Variants in NUP210 observed in about 807,000 individuals in gnomAD.
NUP210 encodes the protein nucleoporin 210, also known as nuclear pore membrane glycoprotein 210.
In NUP210, 151 loss-of-function variants were observed where a neutral mutation model predicts 196.0. The observed-to-expected ratio is 0.77, with a 90% CI of 0.67 to 0.88. NUP210 has a LOEUF of 0.88. Among genes scored for constraint, NUP210 ranks in the 40% least tolerant of loss-of-function variants. NUP210 has a pLI of 0.00. For missense variants in NUP210, 2,314 were observed against 2,493.7 expected, an observed-to-expected ratio of 0.93 and a Z score of 1.53; for synonymous variants, 1,070 against 1,052.7, an observed-to-expected ratio of 1.02 and a Z score of -0.32.
intron 12 of NUP210, 71 bp from the exon 13 acceptor site, chr3:13,372,103 C>T: frequency 3.7e-6 from 5 of 1,361,130 alleles, no homozygotes; most frequent in Non-Finnish European, 5.0e-6. Flanking sequence ...CTCGGATATC[C>T]TAAGTGCTGC....
intron 25 of NUP210, among the ~76,000 whole-genome samples, chr3:13,339,060 C>A (rs2124856847): frequency 6.6e-6 from 1 of 152,296 alleles, no homozygotes; most frequent in South Asian, 2.1e-4. Context: ...CTGAACCCTA[C>A]CCCATCCCCA....
Position 13,342,132 on chromosome 3 carries a change from T to C in NUP210, c.2965-9A>G, listed in dbSNP as rs747601803. ...GTCTTCCCAATCTCCACCTGCATCA[T>C]GGGGACAGAGGTTCAGGGGCAGCCT... On this transcript the variant is annotated splice_polypyrimidine_tract_variant and intron_variant, in intron 21 of 39. Coordinates refer to ENST00000254508, the MANE Select transcript of NUP210 (RefSeq NM_024923.4). 2.5e-6 allele frequency: 4 copies of C among 1,613,930 alleles called. No homozygotes were observed. Among genetic ancestry groups the C allele is most frequent in the Non-Finnish European group, 3.4e-6 (4 of 1,179,880 alleles).
chr3:13,359,384 T>C (rs1471938820), intron 15 of NUP210, among the ~76,000 whole-genome samples: 1 of 152,214 alleles, frequency 6.6e-6, no homozygotes, highest in Non-Finnish European at 1.5e-5. Flanking sequence ...TCTTGTTGTT[T>C]TATTGTTTTT....
chr3:13,329,625 C>T (rs924412254), intron 30 of NUP210, among the ~76,000 whole-genome samples: 2 of 152,188 alleles, frequency 1.3e-5, no homozygotes, highest in African/African-American at 4.8e-5. Context: ...CTGCCAGGCA[C>T]CCATTTTGAA....
At chr3:13,390,851 C>A (rs1447361245) in intron 4 of NUP210, among the ~76,000 whole-genome samples, 1 of 152,218 alleles carries the variant, frequency 6.6e-6, no homozygotes, top group Admixed American at 6.5e-5. Context: ...CTGGCCTGTG[C>A]CCCAGCCGAA....
chr3:13,365,875 G>T, intron 14 of NUP210, 71 bp downstream of exon 14: 1 of 1,530,700 alleles, frequency 6.5e-7, no homozygotes, highest in Non-Finnish European at 9.0e-7. Flanking sequence ...AAATTCGTCA[G>T]AGCAAATGGG....
At chr3:13,366,680 G>T (rs1168632891) in intron 13 of NUP210, among the ~76,000 whole-genome samples, 1 of 150,408 alleles carries the variant, frequency 6.6e-6, no homozygotes, top group African/African-American at 2.4e-5. Flanking sequence ...ACCACGCCCA[G>T]CTAATTCTTT....
chr3:13,420,285 C>T lies in NUP210; in HGVS notation c.-59G>A, dbSNP rs1475000348. On this transcript the variant is annotated 5_prime_UTR_variant, in exon 1 of 40. Transcript: ENST00000254508. The surrounding 1 kb of genome is among the most constrained non-coding windows in gnomAD (Gnocchi z 4.8). ...CCGGCCGCCCGCGCCGCCCCGTTGC[C>T]CTCCGCTCCCGCCCGCGCGCGCGCC... The T allele has an allele frequency of 6.0e-6, 6 of 1,006,724 alleles. No individual in the cohort carries two copies. Among genetic ancestry groups the T allele is most frequent in the African/African-American group, 1.7e-5 (1 of 57,378 alleles). The allele number at this position is 1,006,724 out of a possible 1,614,324, so 62.4% of individuals were successfully genotyped here. A position where few individuals can be genotyped will look rare whatever the true frequency, so the allele number is the denominator to read the frequency against.
chr3:13,364,822 C>T (rs1698477358), intron 14 of NUP210, among the ~76,000 whole-genome samples: 4 of 152,030 alleles, frequency 2.6e-5, no homozygotes, highest in Admixed American at 2.6e-4. Context: ...GAGTGAAACT[C>T]TGTCTCAAAA....
intron 29 of NUP210, 149 bp from the exon 30 acceptor site, chr3:13,330,783 G>A (rs1003656369): frequency 7.5e-6 from 5 of 662,578 alleles, no homozygotes; most frequent in Admixed American, 3.1e-5. Flanking sequence ...TCAGGACCAC[G>A]TGCCGTCAGT....
At chr3:13,392,852 C>T (rs2124938586) in intron 3 of NUP210, among the ~76,000 whole-genome samples, 1 of 151,586 alleles carries the variant, frequency 6.6e-6, no homozygotes, top group Non-Finnish European at 1.5e-5. Flanking sequence ...ATTCCACCTT[C>T]TCGGGGAAGA....
At position 13,321,726 on chromosome 3, in the gene NUP210, GTGGC is replaced by G; in HGVS notation, c.5021_5024del (p.Ser1674ThrfsTer26). 6.2e-7 allele frequency: 1 copy of G among 1,614,134 alleles called. No homozygotes were observed. The highest frequency in any genetic ancestry group is 1.1e-5 in the South Asian group (1 of 91,080). ...CGGCCCCCACCTGCTCTGTGGAGAA[GTGGC>G]TGCTGGAGAGGGAGGCACTGACCAC... is the stretch of plus-strand genomic sequence containing the variant. On this transcript the variant is annotated frameshift_variant, in exon 36 of 40. Coordinates refer to ENST00000254508, the MANE Select transcript of NUP210 (RefSeq NM_024923.4). LOFTEE classifies it high-confidence loss of function.
intron 13 of NUP210, among the ~76,000 whole-genome samples, chr3:13,370,704 T>G (rs1273005148): frequency 1.3e-5 from 2 of 152,206 alleles, no homozygotes; most frequent in South Asian, 2.1e-4. Flanking sequence ...TGCAGTATGC[T>G]CAGGGATTTT....
In NUP210 at chr3:13,336,824, T is replaced by C; in HGVS notation, c.3647A>G (p.Lys1216Arg). 1 of 1,613,842 alleles carries C rather than the reference T, an allele frequency of 6.2e-7. No individual in the cohort carries two copies. The highest frequency in any genetic ancestry group is 8.5e-7 in the Non-Finnish European group (1 of 1,179,886). Residue 1216 changes from lysine (K) to arginine (R), a missense_variant, in exon 27 of 40, where the codon AAG becomes AGG. Coordinates refer to ENST00000254508, the MANE Select transcript of NUP210 (RefSeq NM_024923.4). Reference sequence around the variant, plus strand: ...CCCTCGGAGGTCCAGGACGTCCCGCTTGGTGACAGACCAGTGGAAGGTCAG... The same window carrying C: ...CCCTCGGAGGTCCAGGACGTCCCGCCTGGTGACAGACCAGTGGAAGGTCAG... ...PGLTFHWSVT[K>R]RDVLDLRGRH... is the part of the protein sequence containing the mutation.
At chr3:13,361,733 G>A (rs926965208) in intron 14 of NUP210, among the ~76,000 whole-genome samples, 1 of 152,118 alleles carries the variant, frequency 6.6e-6, no homozygotes, top group African/African-American at 2.4e-5. Flanking sequence ...ACACAGACCT[G>A]ACCCTGTCCC....
intron 34 of NUP210, among the ~76,000 whole-genome samples, chr3:13,322,840 G>T (rs1201451697): frequency 1.3e-5 from 2 of 152,232 alleles, no homozygotes; most frequent in East Asian, 3.8e-4. Context: ...TGCCAGTGAG[G>T]TGGTTTAAGA....
chr3:13,391,116 ACCCAGATGAAAG>A, intron 4 of NUP210, 83 bp downstream of exon 4: 1 of 810,908 alleles, frequency 1.2e-6, no homozygotes, highest in African/African-American at 1.7e-5. Context: ...CTCCTCAATG[ACCCAGATGAAAG>A]CCCCCCGCTG....
At chr3:13,325,170 T>A (rs760321481) in intron 33 of NUP210, among the ~76,000 whole-genome samples, 3 of 152,198 alleles carry the variant, frequency 2.0e-5, no homozygotes, top group Non-Finnish European at 4.4e-5. Context: ...CACACCTTTG[T>A]CCATGCCACC....
At chr3:13,371,218 C>T (rs1698718923) in intron 13 of NUP210, among the ~76,000 whole-genome samples, 1 of 152,190 alleles carries the variant, frequency 6.6e-6, no homozygotes, top group African/African-American at 2.4e-5. Flanking sequence ...AGATCTGCAC[C>T]CCATCCCTGT....
Sources: gnomAD v4.1 joint callset for allele counts (sites outside exome capture counted in the v4.1 genomes callset) on GRCh38, gnomAD v4.1.1 for gene constraint, Gnocchi (gnomAD v3.1) non-coding constraint, MANE v1.5 for transcripts, NCBI Gene and HGNC (gene_info 2026-07-23, HGNC 2026-07-21) for gene names.